LGSN: variants seen among roughly 807,000 people sequenced by gnomAD.
LGSN encodes the protein lengsin.
A neutral mutation model predicts 19.5 loss-of-function variants in LGSN; 21 were observed. The observed-to-expected ratio is 1.07, with a 90% CI of 0.76 to 1.55. LGSN has a LOEUF of 1.55. LGSN is among the 40% of genes most tolerant of loss of function. LGSN has a pLI of 0.00. For synonymous variants in LGSN, 257 were observed against 215.6 expected, an observed-to-expected ratio of 1.19 and a Z score of -1.68; for missense variants, 673 against 608.5, an observed-to-expected ratio of 1.11 and a Z score of -1.12.
intron 3 of LGSN, among the ~76,000 whole-genome samples, chr6:63,283,040 A>AGTTGT (rs1767378529): frequency 6.6e-6 from 1 of 152,184 alleles, no homozygotes; most frequent in Non-Finnish European, 1.5e-5. Context: ...TGAGTAGTAG[A>AGTTGT]GAACAGCTGG....
chr6:63,471,026 C>T, the LGSN span, among the ~76,000 whole-genome samples: 28 of 150,576 alleles, frequency 1.9e-4, no homozygotes, highest in East Asian at 3.5e-3. Flanking sequence ...CTGCAACTTC[C>T]GCCTCCCAGG....
chr6:63,432,342 G>C, the LGSN span, among the ~76,000 whole-genome samples: 1 of 152,006 alleles, frequency 6.6e-6, no homozygotes, highest in South Asian at 2.1e-4. Flanking sequence ...TCATTCACAA[G>C]ATCCTGGTAA....
chr6:63,308,764 T>C (rs547928935), intron 1 of LGSN, among the ~76,000 whole-genome samples: 41 of 152,268 alleles, frequency 2.7e-4, no homozygotes, highest in African/African-American at 9.6e-4. Context: ...TTTTAACCTC[T>C]GTTAGAAATA....
chr6:63,551,255 G>A, the LGSN span, among the ~76,000 whole-genome samples: 8 of 152,032 alleles, frequency 5.3e-5, no homozygotes, highest in African/African-American at 9.6e-5. Context: ...TAGTAGAGAC[G>A]GAGTTTCACC....
At chr6:63,357,006 G>A in the LGSN span, among the ~76,000 whole-genome samples, 21 of 107,864 alleles carry the variant, frequency 1.9e-4, no homozygotes, top group East Asian at 1.0e-3. Flanking sequence ...AACAGGCCCC[G>A]GTGTGTGATG....
chr6:63,287,231 C>A (rs1052311339), intron 2 of LGSN, among the ~76,000 whole-genome samples: 1 of 152,124 alleles, frequency 6.6e-6, no homozygotes, highest in Admixed American at 6.6e-5. Context: ...CTCTGAAACT[C>A]CGGAGGCTTT....
At chr6:63,447,707 C>T in the LGSN span, among the ~76,000 whole-genome samples, 4 of 152,088 alleles carry the variant, frequency 2.6e-5, no homozygotes, top group Non-Finnish European at 5.9e-5. Context: ...ATTTCTATTA[C>T]TTTGGAAACT....
At chr6:63,408,823 C>A in the LGSN span, among the ~76,000 whole-genome samples, 1 of 152,022 alleles carries the variant, frequency 6.6e-6, no homozygotes, top group African/African-American at 2.4e-5. Flanking sequence ...TGAACTCCAA[C>A]AAATTTACAA....
At chr6:63,433,567 C>T in the LGSN span, among the ~76,000 whole-genome samples, 1 of 152,178 alleles carries the variant, frequency 6.6e-6, no homozygotes, top group Non-Finnish European at 1.5e-5. Flanking sequence ...TTCAATGTGT[C>T]TCATAACTAG....
At chr6:63,390,355 C>T in the LGSN span, among the ~76,000 whole-genome samples, 34 of 151,450 alleles carry the variant, frequency 2.2e-4, no homozygotes, top group Admixed American at 2.2e-3. Flanking sequence ...GTCTCAAACT[C>T]CTAACCTCAG....
At chr6:63,353,672 G>C in the LGSN span, among the ~76,000 whole-genome samples, 2 of 134,314 alleles carry the variant, frequency 1.5e-5, no homozygotes, top group African/African-American at 5.6e-5. Context: ...AACCAAAAAA[G>C]AGCCTGAGTA....
At chr6:63,447,806 C>T in the LGSN span, among the ~76,000 whole-genome samples, 1 of 151,976 alleles carries the variant, frequency 6.6e-6, no homozygotes, top group African/African-American at 2.4e-5. Flanking sequence ...CATGAAACTC[C>T]CTATTTGAGT....
chr6:63,546,617 A>C, the LGSN span, among the ~76,000 whole-genome samples: 1 of 152,180 alleles, frequency 6.6e-6, no homozygotes, highest in Admixed American at 6.5e-5. Context: ...GAGGCAGAAT[A>C]AACGCTCAAA....
the LGSN span, among the ~76,000 whole-genome samples, chr6:63,382,893 G>T: frequency 2.6e-5 from 4 of 152,124 alleles, no homozygotes; most frequent in Admixed American, 2.0e-4. Flanking sequence ...AACAGTTCAA[G>T]AATGGGTAAA....
chr6:63,435,832 T>A, the LGSN span, among the ~76,000 whole-genome samples: 6 of 151,798 alleles, frequency 4.0e-5, no homozygotes, highest in African/African-American at 1.5e-4. Flanking sequence ...ATGGTAAATG[T>A]TTCACGAAAG....
At chr6:63,408,265 C>A in the LGSN span, among the ~76,000 whole-genome samples, 1 of 151,450 alleles carries the variant, frequency 6.6e-6, no homozygotes, top group East Asian at 1.9e-4. Context: ...CATAACACTA[C>A]CTGACTTCAA....
At chr6:63,284,682 T>C (rs945283935) in intron 3 of LGSN, among the ~76,000 whole-genome samples, 3 of 151,856 alleles carry the variant, frequency 2.0e-5, no homozygotes, top group African/African-American at 7.3e-5. Context: ...AAGAAAATCC[T>C]CATTTTTTAT....
At chr6:63,418,409 A>C in the LGSN span, among the ~76,000 whole-genome samples, 6 of 152,218 alleles carry the variant, frequency 3.9e-5, no homozygotes, top group East Asian at 1.2e-3. Context: ...AAAAATACAA[A>C]AATTAGCTGA....
the LGSN span, among the ~76,000 whole-genome samples, chr6:63,542,243 A>G: frequency 6.6e-6 from 1 of 152,216 alleles, no homozygotes; most frequent in Non-Finnish European, 1.5e-5. Flanking sequence ...AGGCATAGGA[A>G]TGACACAATG....
Sources: gnomAD v4.1 joint callset for allele counts (sites outside exome capture counted in the v4.1 genomes callset) on GRCh38, gnomAD v4.1.1 for gene constraint, MANE v1.5 for transcripts, NCBI Gene and HGNC (gene_info 2026-07-23, HGNC 2026-07-21) for gene names.